The following PCDH15 variants were observed in gnomAD, a reference collection of about 807,000 sequenced individuals.
PCDH15 encodes the protein protocadherin related 15.
A neutral mutation model predicts 178.5 loss-of-function variants in PCDH15; 129 were observed. The ratio of observed to expected loss-of-function variants is 0.72; its 90% confidence interval spans 0.63 to 0.84. PCDH15 has a LOEUF of 0.84. PCDH15 is among the 40% of genes least tolerant of loss of function. The pLI, the probability that PCDH15 is intolerant of heterozygous loss-of-function variation, is 0.00. For missense variants in PCDH15, 2,230 were observed against 2,099.9 expected, an observed-to-expected ratio of 1.06 and a Z score of -1.21; for synonymous variants, 800 against 732.0, an observed-to-expected ratio of 1.09 and a Z score of -1.50.
At chr10:55,446,702 T>C (rs1839325257) in intron 2 of PCDH15, among the ~76,000 whole-genome samples, 1 of 152,150 alleles carries the variant, frequency 6.6e-6, no homozygotes, top group Non-Finnish European at 1.5e-5. Flanking sequence ...ATTAAGCCTG[T>C]GTCTTAAGAG....
At chr10:54,258,092 C>G (rs2057053127) in intron 8 of PCDH15, among the ~76,000 whole-genome samples, 1 of 152,028 alleles carries the variant, frequency 6.6e-6, no homozygotes, top group African/African-American at 2.4e-5. Flanking sequence ...TGGGATCATC[C>G]TCTGTGCTTG....
intron 15 of PCDH15, among the ~76,000 whole-genome samples, chr10:54,099,502 A>AAAAAAC (rs2094766332): frequency 7.7e-6 from 1 of 130,150 alleles, no homozygotes; most frequent in Non-Finnish European, 1.6e-5. Flanking sequence ...CCATCTCAAA[A>AAAAAAC]AAAAAAAAAA....
chr10:55,253,873 AGTCAACC>A (rs1841915391), intron 1 of PCDH15, among the ~76,000 whole-genome samples: 1 of 152,220 alleles, frequency 6.6e-6, no homozygotes, highest in African/African-American at 2.4e-5. Flanking sequence ...ACTGCAAAGT[AGTCAACC>A]GTGAAAACAT....
intron 2 of PCDH15, among the ~76,000 whole-genome samples, chr10:54,655,304 CAG>C (rs1213808096): frequency 2.5e-5 from 2 of 80,646 alleles, no homozygotes; most frequent in Non-Finnish European, 5.1e-5. Context: ...GAGAGAGAGA[CAG>C]AGAGAGAGAC....
At chr10:55,502,894 A>G (rs191539418) in intron 2 of PCDH15, among the ~76,000 whole-genome samples, 2 of 151,778 alleles carry the variant, frequency 1.3e-5, no homozygotes, top group East Asian at 3.9e-4. Context: ...ACAGATTCTC[A>G]GTAGGTTAAT....
chr10:54,065,063 C>A (rs917047834), intron 18 of PCDH15, among the ~76,000 whole-genome samples: 2 of 152,236 alleles, frequency 1.3e-5, no homozygotes, highest in Non-Finnish European at 2.9e-5. Flanking sequence ...TCAGTATCTA[C>A]AGCCTGACTC....
intron 1 of PCDH15, among the ~76,000 whole-genome samples, chr10:54,778,072 C>A (rs60192513): frequency 6.6e-6 from 1 of 152,168 alleles, no homozygotes; most frequent in East Asian, 1.9e-4. Flanking sequence ...GAAGAATTCA[C>A]GAGAAACTTT....
chr10:55,381,887 T>C (rs1438989635), intron 2 of PCDH15, among the ~76,000 whole-genome samples: 1 of 152,114 alleles, frequency 6.6e-6, no homozygotes, highest in Non-Finnish European at 1.5e-5. Flanking sequence ...CTCACGCTGA[T>C]TGGCTGGAGG....
In PCDH15 at chr10:54,566,876, T is replaced by C. The variant is rs556959809; in HGVS notation, c.92-38999A>G. The stretch of plus-strand genomic sequence containing the variant: ...GGAGAATGACCGCTGGATTTTATAG[T>C]AAAAGCATCTTTAGTTTTGTAAGAA... On this transcript the variant is annotated intron_variant, in intron 2 of 37. Transcript: ENST00000644397. 9.2e-5 allele frequency among the ~76,000 whole-genome samples: 14 copies of C among 152,282 alleles called. No homozygotes were observed. In the South Asian group the frequency reaches 2.5e-3, roughly 27 times the overall value.
intron 2 of PCDH15, among the ~76,000 whole-genome samples, chr10:55,134,484 G>A (rs74624825): frequency 6.6e-6 from 1 of 152,124 alleles, no homozygotes; most frequent in Non-Finnish European, 1.5e-5. Flanking sequence ...TATGGCTATA[G>A]AAGAGAGATA....
chr10:54,406,843 A>G (rs1223213731), intron 3 of PCDH15, among the ~76,000 whole-genome samples: 3 of 152,188 alleles, frequency 2.0e-5, no homozygotes, highest in Non-Finnish European at 4.4e-5. Context: ...ATAACCTGCT[A>G]TGAAACAACA....
intron 3 of PCDH15, among the ~76,000 whole-genome samples, chr10:54,439,072 G>A (rs1349937094): frequency 6.6e-6 from 1 of 151,912 alleles, no homozygotes; most frequent in Non-Finnish European, 1.5e-5. Context: ...ACAAAAATCT[G>A]AGACATAAGG....
intron 2 of PCDH15, among the ~76,000 whole-genome samples, chr10:55,072,835 T>G (rs2132015608): frequency 6.6e-6 from 1 of 151,584 alleles, no homozygotes; most frequent in African/African-American, 2.4e-5. Flanking sequence ...TGAACATTGA[T>G]GCAAAAATCC....
At chr10:54,929,057 C>T (rs1231701905) in intron 2 of PCDH15, among the ~76,000 whole-genome samples, 1 of 152,164 alleles carries the variant, frequency 6.6e-6, no homozygotes, top group Non-Finnish European at 1.5e-5. Flanking sequence ...TCTTTGTGGG[C>T]TGATGCTAAT....
chr10:54,131,664 A>T (rs564015133), intron 15 of PCDH15, among the ~76,000 whole-genome samples: 24 of 152,342 alleles, frequency 1.6e-4, no homozygotes, highest in African/African-American at 5.8e-4. Context: ...ATATTAGAGT[A>T]GAGACACAAA....
At chr10:54,655,283 AGAGAGAGAGAGAGAGAG>A (rs1565865990) in intron 2 of PCDH15, among the ~76,000 whole-genome samples, 16 of 127,296 alleles carry the variant, frequency 1.3e-4, no homozygotes, top group African/African-American at 3.8e-4. Flanking sequence ...AGAGAGAGAG[AGAGAGAGAGAGAGAGAG>A]AGACAGAGAG....
rs558410590 is a variant in PCDH15, at chr10:53,844,045, A to T, written c.3807-3549T>A. On this transcript the variant is annotated intron_variant, in intron 28 of 37. Coordinates refer to ENST00000644397, the MANE Select transcript of PCDH15 (RefSeq NM_001384140.1). ...GATATTTGAGCAAAAACTTTAGGGA[A>T]CAATGTGTGCTGTGGCTATTCTAGG... is the stretch of plus-strand genomic sequence containing the variant. Among the ~76,000 whole-genome samples the T allele has an allele frequency of 4.0e-5, 6 of 151,706 alleles. No individual in the cohort carries two copies. The South Asian group carries it at 1.2e-3, about 31-fold the overall frequency.
intron 1 of PCDH15, among the ~76,000 whole-genome samples, chr10:55,221,692 CA>C (rs1840879484): frequency 6.6e-6 from 1 of 151,974 alleles, no homozygotes; most frequent in South Asian, 2.1e-4. Context: ...GGAGTTAAGA[CA>C]AGATACACAG....
intron 20 of PCDH15, among the ~76,000 whole-genome samples, chr10:54,002,282 G>T (rs7914306): frequency 0.33 from 49,938 of 151,668 alleles, 10,291 homozygotes; most frequent in East Asian, 0.6. Context: ...GCACTGGACA[G>T]ATCTTCCAGA....
Sources: gnomAD v4.1 joint callset for allele counts (sites outside exome capture counted in the v4.1 genomes callset) on GRCh38, gnomAD v4.1.1 for gene constraint, MANE v1.5 for transcripts, NCBI Gene and HGNC (gene_info 2026-07-23, HGNC 2026-07-21) for gene names.